The following ADGRL2 variants were observed in gnomAD, a reference collection of about 807,000 sequenced individuals.
The protein encoded by ADGRL2 is calcium-independent alpha-latrotoxin receptor 2.
A neutral mutation model predicts 157.4 loss-of-function variants in ADGRL2; 44 were observed. That is an observed-to-expected ratio of 0.28 (90% CI 0.22 to 0.36). The LOEUF is 0.36. ADGRL2 is among the 10% of genes least tolerant of loss of function. The pLI, the probability that ADGRL2 is intolerant of heterozygous loss-of-function variation, is 1.00. For synonymous variants in ADGRL2, 585 were observed against 624.7 expected, an observed-to-expected ratio of 0.94 and a Z score of 0.95; for missense variants, 1,510 against 1,768.9, an observed-to-expected ratio of 0.85 and a Z score of 2.63.
In ADGRL2 at chr1:81,993,057, A is replaced by G. The variant is rs1664819896; in HGVS notation, c.*1912A>G. Among the ~76,000 whole-genome samples the G allele has an allele frequency of 2.1e-5, 1 of 47,902 alleles. No homozygotes were observed. The highest frequency in any genetic ancestry group is 3.5e-5 in the Non-Finnish European group (1 of 28,404). 31.4% of individuals were successfully genotyped at this position (47,902 alleles called of 152,430 possible). On this transcript the variant is annotated 3_prime_UTR_variant, in exon 24 of 24. Transcript: ENST00000686636. ...AAAATTAAGTGCATATATATAATAT[A>G]CATATATATATATATATATATATAT...
At chr1:81,824,588 T>A (rs2091289569) in intron 1 of ADGRL2, among the ~76,000 whole-genome samples, 1 of 152,196 alleles carries the variant, frequency 6.6e-6, no homozygotes, top group Non-Finnish European at 1.5e-5. Flanking sequence ...AAAAGACATT[T>A]TAAAACTAGT....
At chr1:81,425,479 A>G (rs1303335463) in intron 1 of ADGRL2, among the ~76,000 whole-genome samples, 1 of 152,192 alleles carries the variant, frequency 6.6e-6, no homozygotes, top group Non-Finnish European at 1.5e-5. Flanking sequence ...CAGGGGAAAA[A>G]ATATGTACCA....
intron 2 of ADGRL2, among the ~76,000 whole-genome samples, chr1:81,479,598 A>G (rs550734480): frequency 6.6e-6 from 1 of 152,312 alleles, no homozygotes; most frequent in Admixed American, 6.5e-5. Context: ...TCCTTTTTAT[A>G]TAGTATTCTC....
At chr1:81,948,335 T>C (rs1221944232) in intron 6 of ADGRL2, among the ~76,000 whole-genome samples, 2 of 152,120 alleles carry the variant, frequency 1.3e-5, no homozygotes, top group Non-Finnish European at 2.9e-5. Flanking sequence ...TTGAGGTCCT[T>C]TTAATGTCTA....
chr1:81,788,354 T>C (rs896904526), intron 2 of ADGRL2, among the ~76,000 whole-genome samples: 1 of 152,180 alleles, frequency 6.6e-6, no homozygotes, highest in Non-Finnish European at 1.5e-5. Context: ...AGTGTGTTCA[T>C]GCAAGATCTG....
upstream of ADGRL2, among the ~76,000 whole-genome samples, chr1:81,799,598 T>G (rs749524245): frequency 2.6e-5 from 4 of 152,188 alleles, no homozygotes; most frequent in Non-Finnish European, 2.9e-5. Context: ...TTTAGGATCT[T>G]CATGTATTTT....
chr1:81,745,919 G>A (rs2085232062), intron 1 of ADGRL2, among the ~76,000 whole-genome samples: 1 of 152,110 alleles, frequency 6.6e-6, no homozygotes, highest in Non-Finnish European at 1.5e-5. Flanking sequence ...GAGGCCAAAA[G>A]AATGAGTATT....
chr1:81,953,572 T>C (rs1352190333), intron 10 of ADGRL2, among the ~76,000 whole-genome samples: 3 of 152,154 alleles, frequency 2.0e-5, no homozygotes. Context: ...ATATGTTACA[T>C]ACTGTTTTTT....
At chr1:81,417,618 G>C (rs2077054595) in intron 1 of ADGRL2, among the ~76,000 whole-genome samples, 1 of 152,198 alleles carries the variant, frequency 6.6e-6, no homozygotes, top group Non-Finnish European at 1.5e-5. Context: ...TCAGGGTACA[G>C]AGAAAATATA....
chr1:81,667,545 C>G (rs2082776978), intron 3 of ADGRL2, among the ~76,000 whole-genome samples: 1 of 152,164 alleles, frequency 6.6e-6, no homozygotes, highest in Non-Finnish European at 1.5e-5. Flanking sequence ...AACAATTCCT[C>G]CTTATCACCT....
intron 1 of ADGRL2, among the ~76,000 whole-genome samples, chr1:81,834,044 G>A (rs770674160): frequency 6.6e-6 from 1 of 152,106 alleles, no homozygotes; most frequent in Admixed American, 6.6e-5. Context: ...GTTAGAAGTG[G>A]TTTGGATTTT....
intron 3 of ADGRL2, among the ~76,000 whole-genome samples, chr1:81,584,161 G>A (rs373539747): frequency 4.6e-5 from 7 of 152,072 alleles, no homozygotes; most frequent in African/African-American, 7.2e-5. Context: ...GACAAACAGG[G>A]CCTAATAAAC....
At chr1:81,931,815 G>A (rs1176911578) in intron 3 of ADGRL2, among the ~76,000 whole-genome samples, 2 of 151,926 alleles carry the variant, frequency 1.3e-5, no homozygotes, top group Non-Finnish European at 2.9e-5. Context: ...TAAACTTTTT[G>A]TAGAGATGGG....
chr1:81,345,782 G>A (rs568554056), intron 1 of ADGRL2, among the ~76,000 whole-genome samples: 1 of 152,118 alleles, frequency 6.6e-6, no homozygotes, highest in Admixed American at 6.5e-5. Context: ...ACGTAAAAAT[G>A]CTTAGAATAT....
intron 3 of ADGRL2, among the ~76,000 whole-genome samples, chr1:81,927,717 T>C (rs974851189): frequency 1.3e-5 from 2 of 151,962 alleles, no homozygotes; most frequent in African/African-American, 4.8e-5. Flanking sequence ...TAATGAGCAA[T>C]AGCTATGTGA....
chr1:81,990,701 C>T lies in ADGRL2; in HGVS notation c.3966C>T (p.Asp1322=), dbSNP rs1664441043. The T allele has an allele frequency of 1.2e-6, 2 of 1,614,116 alleles. No homozygotes were observed. The highest frequency in any genetic ancestry group is 1.7e-6 in the Non-Finnish European group (2 of 1,180,018). Residue 1322 remains aspartate (D), a synonymous_variant, in exon 24 of 24, where the codon GAC becomes GAT. Coordinates refer to ENST00000686636, the MANE Select transcript of ADGRL2 (RefSeq NM_001366006.2). ...VADASSLMHS[D]NPGLELHHKE... ...ATGCTTCATCTTTAATGCACAGCGACAACCCAGGGCTGGAGCTCCATCACA... is the reference window on the plus strand; with the variant it reads ...ATGCTTCATCTTTAATGCACAGCGATAACCCAGGGCTGGAGCTCCATCACA...
intron 5 of ADGRL2, among the ~76,000 whole-genome samples, chr1:81,942,323 T>C (rs942116978): frequency 3.9e-5 from 6 of 151,912 alleles, no homozygotes; most frequent in Non-Finnish European, 8.8e-5. Flanking sequence ...TATTTTCTTA[T>C]AATTAAAGTG....
chr1:81,375,121 GACAAATA>G (rs1321738802), intron 1 of ADGRL2, among the ~76,000 whole-genome samples: 1 of 152,178 alleles, frequency 6.6e-6, no homozygotes, highest in Non-Finnish European at 1.5e-5. Flanking sequence ...CCTGTCTTCA[GACAAATA>G]AAAAGATGTG....
rs1158207602 is a variant in ADGRL2 at position 81,572,959 on chromosome 1, C to T, written c.-247-7917C>T. Among the ~76,000 whole-genome samples, 4 of 150,188 alleles carry T rather than the reference C, an allele frequency of 2.7e-5. No individual in the cohort carries two copies. In the Admixed American group the frequency reaches 2.7e-4, roughly 10 times the overall value. ...GGGAACGTAGTTTGACAAATACTAC[C>T]AAATATAGTTTGAGAAATATTACCA... On this transcript the variant is annotated intron_variant, in intron 2 of 24. Transcript: ENST00000370721.
Sources: gnomAD v4.1 joint callset for allele counts (sites outside exome capture counted in the v4.1 genomes callset) on GRCh38, gnomAD v4.1.1 for gene constraint, MANE v1.5 for transcripts, NCBI Gene and HGNC (gene_info 2026-07-23, HGNC 2026-07-21) for gene names.